The following COL2A1 variants were observed in gnomAD, a reference collection of about 807,000 sequenced individuals.
COL2A1 encodes collagen alpha-1(II) chain.
In COL2A1, 28 loss-of-function variants were observed where a neutral mutation model predicts 204.5. That is an observed-to-expected ratio of 0.14 (90% CI 0.10 to 0.19). The LOEUF is 0.19. Among genes scored for constraint, COL2A1 ranks in the 10% least tolerant of loss-of-function variants. The probability of loss-of-function intolerance (pLI) is 1.00; values close to 1 mark genes in which losing one functional copy is unlikely to be tolerated. For synonymous variants in COL2A1, 708 were observed against 718.7 expected (o/e 0.99, Z 0.24); for missense variants, 1,388 against 2,027.5 (o/e 0.68, Z 6.06).
intron 52 of COL2A1, 128 bp downstream of exon 52, chr12:47,974,547 C>T (rs1938597818): frequency 7.0e-6 from 9 of 1,282,196 alleles, no homozygotes; most frequent in Admixed American, 1.7e-5. Context: ...CTCCTCTTTC[C>T]CTCCTCTCAA....
In COL2A1 at chr12:47,993,981, C is replaced by A. The variant is rs779673807; in HGVS notation, c.870+13G>T. 9.3e-6 allele frequency: 15 copies of A among 1,614,028 alleles called. No individual in the cohort carries two copies. Among genetic ancestry groups the A allele is most frequent in the Non-Finnish European group, 1.2e-5 (14 of 1,180,024 alleles). On this transcript the variant is annotated intron_variant, in intron 13 of 53. Coordinates refer to ENST00000380518, the MANE Select transcript of COL2A1 (RefSeq NM_001844.5). ...CATCTCTTCCTTCCAACCTTCTCAC[C>A]CGTGATACTTACTCTGTGACCTTTG... is the stretch of plus-strand genomic sequence containing the variant.
At position 47,974,860 on chromosome 12, in the gene COL2A1, C is replaced by T. The variant is rs761073811; in HGVS notation, c.3889G>A (p.Asp1297Asn). ...CCTTGGTTGGGGTCAATCCAGTAGT[C>T]TCCTGCAGGGGGAAGAGGCAGCACC... The part of the protein sequence containing the change: ...KLCHPEWKSG[D>N]YWIDPNQGCT... Residue 1297 changes from aspartate to asparagine, a missense_variant and splice_region_variant, in exon 52 of 54, where the codon GAC becomes AAC. Around this residue, in one of 3 missense-constraint regions of COL2A1, gnomAD observed 303 missense variants for 369.2 expected, o/e 0.82. Coordinates refer to ENST00000380518, the MANE Select transcript of COL2A1 (RefSeq NM_001844.5). 1.9e-6 allele frequency: 3 copies of T among 1,613,168 alleles called. No individual in the cohort carries two copies. Among genetic ancestry groups the T allele is most frequent in the Non-Finnish European group, 2.5e-6 (3 of 1,179,326 alleles).
intron 31 of COL2A1, 44 bp downstream of exon 31, chr12:47,983,341 T>C (rs375553517): frequency 2.5e-6 from 4 of 1,605,004 alleles, no homozygotes; most frequent in Non-Finnish European, 3.4e-6. Context: ...AGAAAAGACC[T>C]TCCCATCTAA....
chr12:47,985,535 G>A lies in COL2A1; in HGVS notation c.1733C>T (p.Ser578Phe). ...DAGPQGKVGP[S>F]GAPGEDGRPG... is the part of the protein sequence containing the mutation. The stretch of plus-strand genomic sequence containing the variant: ...GCAGCCCTCAGAGGATAGACTTACA[G>A]AAGGGCCAACTTTGCCTTGAGGACC... Residue 578 changes from serine to phenylalanine, a missense_variant and splice_region_variant, in exon 26 of 54, where the codon TCT becomes TTT. By Grantham distance (155) the Ser-to-Phe change is radical. Coordinates refer to ENST00000380518, the MANE Select transcript of COL2A1 (RefSeq NM_001844.5). The A allele has an allele frequency of 6.2e-7, 1 of 1,613,990 alleles. No homozygotes were observed. Among genetic ancestry groups the A allele is most frequent in the Non-Finnish European group, 8.5e-7 (1 of 1,179,958 alleles).
chr12:48,004,211 GC>G, intron 1 of COL2A1, 25 bp downstream of exon 1: 1 of 1,491,476 alleles, frequency 6.7e-7, no homozygotes, highest in Non-Finnish European at 9.2e-7. Flanking sequence ...AAGCAGGCAG[GC>G]AGGCAGGGGC....
intron 16 of COL2A1, among the ~76,000 whole-genome samples, chr12:47,992,558 GC>G (rs1163395479): frequency 6.6e-6 from 1 of 152,134 alleles, no homozygotes; most frequent in African/African-American, 2.4e-5. Flanking sequence ...GCACGGTGGT[GC>G]TATAGCCAGC....
chr12:47,987,100 G>A lies in COL2A1; in HGVS notation c.1343C>T (p.Pro448Leu). 1 of 1,614,150 alleles carries A rather than the reference G, an allele frequency of 6.2e-7. No individual in the cohort carries two copies. The highest frequency in any genetic ancestry group is 1.3e-5 in the African/African-American group (1 of 75,046). The change falls in exon 21 of 54, where the codon CCT (proline) becomes CTT (leucine). Residue 448 changes from proline to leucine, a missense_variant. Transcript: ENST00000380518. The surrounding 1 kb of genome is among the most constrained non-coding windows in gnomAD (Gnocchi z 4.1). ...TACCGTCTGACCTTTCGGGCCCAGA[G>A]GACCAGTTGCACCTTGAGGGCCAGG... ...GPPGPQGATG[P>L]LGPKGQTGEP...
chr12:47,988,752 G>A (rs756468644), intron 18 of COL2A1, among the ~76,000 whole-genome samples: 35 of 152,238 alleles, frequency 2.3e-4, no homozygotes, highest in Non-Finnish European at 4.4e-4. Context: ...AGAGAACTCC[G>A]TTAACATGGT....
Position 47,976,591 on chromosome 12 carries a change from G to A in COL2A1, c.3436-24C>T, listed in dbSNP as rs1938719842. 2 of 1,613,406 alleles carry A rather than the reference G, an allele frequency of 1.2e-6. No individual in the cohort carries two copies. Among genetic ancestry groups the A allele is most frequent in the Non-Finnish European group, 1.7e-6 (2 of 1,179,306 alleles). On this transcript the variant is annotated intron_variant, in intron 48 of 53. Transcript: ENST00000380518. The surrounding 1 kb of genome is among the most constrained non-coding windows in gnomAD (Gnocchi z 4.3). The stretch of plus-strand genomic sequence containing the variant: ...CCCTGTGTAGAAGGAAGAGGCAAAA[G>A]GCCACGGTCAGCACAGACATATCTA...
chr12:47,985,445 C>A (rs1939340890), intron 26 of COL2A1, 89 bp downstream of exon 26: 1 of 1,376,764 alleles, frequency 7.3e-7, no homozygotes, highest in African/African-American at 1.4e-5. Context: ...TACTTCAGGC[C>A]TCCCTAACCC....
intron 22 of COL2A1, 129 bp downstream of exon 22, chr12:47,986,706 G>T: frequency 1.8e-6 from 2 of 1,088,206 alleles, no homozygotes; most frequent in Non-Finnish European, 2.9e-6. Context: ...TCTCCTCCAG[G>T]CATAATCTGA....
chr12:47,976,989 A>C lies in COL2A1; in HGVS notation c.3328-70T>G. 1 of 1,536,228 alleles carries C rather than the reference A, an allele frequency of 6.5e-7. No individual in the cohort carries two copies. ...CAGGAGCCCCCTCCTGTCCCACCCAAGCTGAGGAATCCCCGGAAACACAGG... is the reference window on the plus strand; with the variant it reads ...CAGGAGCCCCCTCCTGTCCCACCCACGCTGAGGAATCCCCGGAAACACAGG... On this transcript the variant is annotated intron_variant, in intron 47 of 53. Transcript: ENST00000380518. The surrounding 1 kb of genome is among the most constrained non-coding windows in gnomAD (Gnocchi z 4.3).
chr12:47,974,479 G>C, intron 52 of COL2A1, 148 bp from the exon 53 acceptor site: 2 of 1,288,002 alleles, frequency 1.6e-6, no homozygotes, highest in Admixed American at 2.0e-5. Context: ...GCTTCCAGGA[G>C]TGGAGCAAGC....
Position 47,999,653 on chromosome 12 carries a change from T to TTTTTTTTTTAA in COL2A1, c.292+265_292+266insTTAAAAAAAAA. 2 of 179,328 alleles carry TTTTTTTTTTAA rather than the reference T, an allele frequency of 1.1e-5. 1 individual carries two copies. The highest frequency in any genetic ancestry group is 2.3e-5 in the Non-Finnish European group (2 of 85,970). The allele number at this position is 179,328 out of a possible 1,614,324, so 11.1% of individuals were successfully genotyped here. ...GAGAGGATTTTTTTTTTTTTTTTTTTGTAGAATCACATCTGTCCTTCATGT... is the reference window on the plus strand; with the variant it reads ...GAGAGGATTTTTTTTTTTTTTTTTTTTTTTTTTTTAAGTAGAATCACATCTGTCCTTCATGT... On this transcript the variant is annotated intron_variant, in intron 2 of 53. Transcript: ENST00000380518.
Position 47,979,979 on chromosome 12 carries a change from G to A in COL2A1, c.2679+30C>T, listed in dbSNP as rs41272031. On this transcript the variant is annotated intron_variant, in intron 40 of 53. Transcript: ENST00000380518. ...CTGGGGCCAGGCCTCTTTGTGAGGT[G>A]CAGGGTGGGGTGTCAGAGGCCTCAC... 3,819 of 1,544,360 alleles carry A rather than the reference G, an allele frequency of 2.5e-3. 88 individuals are homozygous for A. The African/African-American group carries it at 0.044, about 18-fold the overall frequency.
intron 1 of COL2A1, 106 bp downstream of exon 1, chr12:48,004,131 G>T: frequency 1.1e-6 from 1 of 887,154 alleles, no homozygotes; most frequent in Non-Finnish European, 1.8e-6. Flanking sequence ...CCCGGGAGCC[G>T]TTTTAGCCCG....
At chr12:47,975,733 G>T in intron 50 of COL2A1, 128 bp from the exon 51 acceptor site, 1 of 1,057,846 alleles carries the variant, frequency 9.5e-7, no homozygotes, top group Non-Finnish European at 1.4e-6. Flanking sequence ...GGTGTAGCAG[G>T]CGAGGACCAA....
intron 26 of COL2A1, among the ~76,000 whole-genome samples, 169 bp from the exon 27 acceptor site, chr12:47,985,262 G>A (rs954427544): frequency 4.6e-5 from 7 of 152,200 alleles, no homozygotes; most frequent in South Asian, 2.1e-4. Flanking sequence ...ACAAGACACC[G>A]CTGAGCTTAG....
intron 1 of COL2A1, 142 bp downstream of exon 1, chr12:48,004,095 C>T (rs1001337416): frequency 4.4e-5 from 30 of 682,298 alleles, no homozygotes; most frequent in Middle Eastern, 2.4e-4. Flanking sequence ...TCTGCGTGTC[C>T]TGTGCCTAAG....
Sources: allele counts gnomAD v4.1 joint callset (sites outside exome capture counted in the v4.1 genomes callset), GRCh38; gene constraint gnomAD v4.1.1; regional missense constraint gnomAD v4.1.1; non-coding constraint Gnocchi (gnomAD v3.1); transcripts MANE v1.5; gene names NCBI Gene and HGNC (gene_info 2026-07-23, HGNC 2026-07-21).